C1orf185: variants seen among roughly 807,000 people sequenced by gnomAD.
The protein encoded by C1orf185 is uncharacterized protein C1orf185.
In C1orf185, 13 loss-of-function variants were observed where a neutral mutation model predicts 16.1. The ratio of observed to expected loss-of-function variants is 0.81; its 90% CI spans 0.53 to 1.28. The LOEUF is 1.28. Ranked by LOEUF, C1orf185 falls within the 50% of genes most tolerant of loss-of-function variation. C1orf185 has a pLI of 0.00. For missense variants in C1orf185, 220 were observed against 225.2 expected (o/e 0.98, Z 0.15); for synonymous variants, 80 against 76.9 (o/e 1.04, Z -0.21).
chr1:51,122,390 A>T (rs1307271095), intron 3 of C1orf185, among the ~76,000 whole-genome samples: 2 of 152,196 alleles, frequency 1.3e-5, no homozygotes, highest in Admixed American at 6.5e-5. Flanking sequence ...AGGCTTCTAA[A>T]TTTCTGACAA....
chr1:51,129,317 T>A (rs1172858883), intron 3 of C1orf185, among the ~76,000 whole-genome samples: 1 of 152,146 alleles, frequency 6.6e-6, no homozygotes, highest in Non-Finnish European at 1.5e-5. Context: ...ATGCTACCCT[T>A]TATAATCACT....
chr1:51,102,241 C>A lies in C1orf185; in HGVS notation c.8C>A (p.Ser3Ter). Residue 3 changes from serine to a stop codon, truncating the protein, a stop_gained, in exon 1 of 5, where the codon TCA (serine) becomes TAA (stop). Coordinates refer to ENST00000371759, the MANE Select transcript of C1orf185 (RefSeq NM_001136508.2). LOFTEE classifies it high-confidence loss of function. MA[S>*]PKGFFNYLTY... is the part of the protein sequence containing the mutation. ...TGGTTAGAACTCAGTCATATGGCTTCACCTAAAGGTATGAGAAGCTGGGTC... is the reference window on the plus strand; with the variant it reads ...TGGTTAGAACTCAGTCATATGGCTTAACCTAAAGGTATGAGAAGCTGGGTC... 1.4e-6 allele frequency: 1 copy of A among 715,664 alleles called. No individual in the cohort carries two copies. Among genetic ancestry groups the A allele is most frequent in the Non-Finnish European group, 2.6e-6 (1 of 383,442 alleles). The allele number at this position is 715,664 out of a possible 1,614,324, so 44.3% of individuals were successfully genotyped here. A position where few individuals can be genotyped will look rare whatever the true frequency, so the allele number is the denominator to read the frequency against.
At chr1:51,151,978 C>T (rs896441990), downstream of C1orf185, among the ~76,000 whole-genome samples, 5 of 152,102 alleles carry the variant, frequency 3.3e-5, no homozygotes, top group Non-Finnish European at 5.9e-5. Flanking sequence ...TGTGAGCCAC[C>T]GTGCTCAGCC....
At chr1:51,131,736 C>T (rs1442903866) in intron 3 of C1orf185, among the ~76,000 whole-genome samples, 1 of 152,060 alleles carries the variant, frequency 6.6e-6, no homozygotes, top group East Asian at 1.9e-4. Flanking sequence ...ACATTTAAAC[C>T]TAAAATAAGC....
chr1:51,106,379 T>C (rs181701049), intron 1 of C1orf185, among the ~76,000 whole-genome samples: 1 of 152,268 alleles, frequency 6.6e-6, no homozygotes, highest in Non-Finnish European at 1.5e-5. Flanking sequence ...ATCTCTCTTT[T>C]TTTTTTAAAC....
At chr1:51,103,092 T>A (rs560351618) in intron 1 of C1orf185, among the ~76,000 whole-genome samples, 7 of 152,140 alleles carry the variant, frequency 4.6e-5, no homozygotes, top group African/African-American at 1.7e-4. Context: ...ATGGTATATA[T>A]AATAATGATT....
chr1:51,126,445 G>A (rs917133311), intron 3 of C1orf185, among the ~76,000 whole-genome samples: 1 of 152,030 alleles, frequency 6.6e-6, no homozygotes, highest in Non-Finnish European at 1.5e-5. Flanking sequence ...AAAAATTGTA[G>A]AGATAGAGTC....
chr1:51,140,196 A>G (rs534375422), intron 3 of C1orf185, among the ~76,000 whole-genome samples: 1 of 152,284 alleles, frequency 6.6e-6, no homozygotes, highest in African/African-American at 2.4e-5. Flanking sequence ...CGCCTCAAAC[A>G]CCAAACTGTT....
chr1:51,152,103 C>T (rs1238790389), downstream of C1orf185, among the ~76,000 whole-genome samples: 7 of 152,120 alleles, frequency 4.6e-5, no homozygotes, highest in Non-Finnish European at 8.8e-5. Flanking sequence ...TACAGGAGCA[C>T]GTCACTGCAC....
At chr1:51,103,148 G>T (rs1646043839) in intron 1 of C1orf185, among the ~76,000 whole-genome samples, 1 of 151,946 alleles carries the variant, frequency 6.6e-6, no homozygotes, top group Admixed American at 6.6e-5. Context: ...GCTCTCACTT[G>T]AAATCTCAGC....
intron 1 of C1orf185, among the ~76,000 whole-genome samples, chr1:51,111,633 C>CCTCA (rs1394640362): frequency 6.6e-6 from 1 of 152,094 alleles, no homozygotes; most frequent in African/African-American, 2.4e-5. Context: ...GATTCTCCTG[C>CCTCA]CTCAGCCTCC....
chr1:51,102,509 G>A, intron 1 of C1orf185: 1 of 247,716 alleles, frequency 4.0e-6, no homozygotes, highest in East Asian at 7.2e-5. Context: ...CTTTTTGTAA[G>A]TTACTTTTTA....
At chr1:51,102,857 C>T (rs542062785) in intron 1 of C1orf185, among the ~76,000 whole-genome samples, 1 of 152,012 alleles carries the variant, frequency 6.6e-6, no homozygotes, top group East Asian at 1.9e-4. Flanking sequence ...GCATTTAGGG[C>T]CATATATTTT....
At chr1:51,103,119 G>A (rs1282890119) in intron 1 of C1orf185, among the ~76,000 whole-genome samples, 1 of 152,048 alleles carries the variant, frequency 6.6e-6, no homozygotes, top group Non-Finnish European at 1.5e-5. Flanking sequence ...AACTTGTTGA[G>A]TCTTGGCCAG....
rs368233335 is a variant in C1orf185, at chr1:51,143,729, T to C, written c.259-1995T>C. Among the ~76,000 whole-genome samples, 117 of 152,372 alleles carry C rather than the reference T, an allele frequency of 7.7e-4. 1 individual carries two copies. Among genetic ancestry groups the C allele is most frequent in the African/African-American group, 2.4e-3 (99 of 41,596 alleles). On this transcript the variant is annotated intron_variant, in intron 3 of 4. Transcript: ENST00000371759. Reference sequence around the variant, plus strand: ...CCCAGTCTGGAATGCAGTGGCTTGATGCGGCTCACTGCACGCATGACTTTC... The same window carrying C: ...CCCAGTCTGGAATGCAGTGGCTTGACGCGGCTCACTGCACGCATGACTTTC...
At chr1:51,123,761 T>C (rs575739847) in intron 3 of C1orf185, among the ~76,000 whole-genome samples, 1 of 152,322 alleles carries the variant, frequency 6.6e-6, no homozygotes, top group Admixed American at 6.5e-5. Flanking sequence ...TAACATGTGA[T>C]GTTGAACACC....
At chr1:51,148,088 G>A (rs1470762734), downstream of C1orf185, 4 of 200,824 alleles carry the variant, frequency 2.0e-5, no homozygotes, top group South Asian at 1.4e-4. Flanking sequence ...GTCAACAAAC[G>A]GGAGAAAAAC....
At chr1:51,121,974 G>C (rs1427673876) in intron 3 of C1orf185, among the ~76,000 whole-genome samples, 1 of 151,894 alleles carries the variant, frequency 6.6e-6, no homozygotes, top group Non-Finnish European at 1.5e-5. Context: ...TTTCCTTATA[G>C]TTTTGCCATA....
At chr1:51,120,010 C>T (rs919640425) in intron 3 of C1orf185, among the ~76,000 whole-genome samples, 4 of 152,000 alleles carry the variant, frequency 2.6e-5, no homozygotes, top group African/African-American at 9.7e-5. Context: ...AGGAGGGCTT[C>T]ACAGAGAAGA....
Sources: gnomAD v4.1 joint callset for allele counts (sites outside exome capture counted in the v4.1 genomes callset) on GRCh38, gnomAD v4.1.1 for gene constraint, MANE v1.5 for transcripts, NCBI Gene and HGNC (gene_info 2026-07-23, HGNC 2026-07-21) for gene names.